Variants in QTGAL observed in about 807,000 individuals in gnomAD.
QTGAL encodes queuosine-tRNA galactosyltransferase, also known as BGnT-like protein 1.
chr17:83,048,737 A>G, the QTGAL span: 2 of 1,614,164 alleles, frequency 1.2e-6, no homozygotes, highest in South Asian at 2.2e-5. Context: ...ACAGACCTCA[A>G]ACATTCGTCC....
At chr17:82,970,318 G>A in the QTGAL span, among the ~76,000 whole-genome samples, 2 of 152,232 alleles carry the variant, frequency 1.3e-5, no homozygotes, top group African/African-American at 2.4e-5. Flanking sequence ...ACATCTGCCC[G>A]GACAAATACA....
the QTGAL span, among the ~76,000 whole-genome samples, chr17:82,966,054 C>T: frequency 3.3e-5 from 5 of 151,306 alleles, no homozygotes; most frequent in East Asian, 1.9e-4. Flanking sequence ...GGACCACAGG[C>T]GTGTGCCACC....
At chr17:82,961,313 T>C in the QTGAL span, 1 of 1,279,198 alleles carries the variant, frequency 7.8e-7, no homozygotes, top group East Asian at 2.8e-5. Flanking sequence ...AAGAAACCGG[T>C]CTAGAGGCTC....
At chr17:82,993,538 C>T in the QTGAL span, among the ~76,000 whole-genome samples, 1 of 151,916 alleles carries the variant, frequency 6.6e-6, no homozygotes, top group Non-Finnish European at 1.5e-5. Context: ...ACTTCAACAC[C>T]CTCTTCAACA....
chr17:82,972,438 G>T, the QTGAL span, among the ~76,000 whole-genome samples: 1 of 123,672 alleles, frequency 8.1e-6, no homozygotes, highest in Non-Finnish European at 1.6e-5. Context: ...CACCACAGGG[G>T]CTAGAAGGAC....
At chr17:83,036,637 G>A in the QTGAL span, among the ~76,000 whole-genome samples, 1 of 152,158 alleles carries the variant, frequency 6.6e-6, no homozygotes, top group African/African-American at 2.4e-5. Context: ...AGGCCTAAAG[G>A]GTCCCTGTTA....
the QTGAL span, among the ~76,000 whole-genome samples, chr17:82,976,360 C>A: frequency 4.4e-5 from 3 of 67,784 alleles, no homozygotes; most frequent in African/African-American, 3.2e-4. Context: ...CGGACTCCAT[C>A]CTCCCAGGGA....
chr17:82,955,880 C>A, the QTGAL span, among the ~76,000 whole-genome samples: 5 of 152,006 alleles, frequency 3.3e-5, no homozygotes, highest in Non-Finnish European at 7.4e-5. Flanking sequence ...CCATCATCCT[C>A]AGCAAACTAA....
the QTGAL span, among the ~76,000 whole-genome samples, chr17:83,015,244 G>A: frequency 2.0e-5 from 3 of 150,376 alleles, no homozygotes; most frequent in African/African-American, 4.9e-5. This position sits in a 1 kb window ranked among gnomAD's most constrained non-coding sequence, Gnocchi z 4.4. Context: ...GACCGTCTGC[G>A]GTGAGGACCT....
chr17:82,964,481 A>G, the QTGAL span, among the ~76,000 whole-genome samples: 2 of 152,184 alleles, frequency 1.3e-5, no homozygotes, highest in African/African-American at 4.8e-5. Flanking sequence ...CATAGCTAGT[A>G]TTTAAAACGG....
the QTGAL span, among the ~76,000 whole-genome samples, chr17:82,963,371 C>G: frequency 3.3e-5 from 5 of 152,190 alleles, no homozygotes; most frequent in African/African-American, 1.2e-4. Flanking sequence ...GCAGTCACCA[C>G]GCGGGGACAG....
the QTGAL span, among the ~76,000 whole-genome samples, chr17:82,974,763 C>G: frequency 2.6e-5 from 4 of 152,192 alleles, no homozygotes; most frequent in Non-Finnish European, 5.9e-5. Flanking sequence ...CTGGGTCCCC[C>G]CCACAGCTTG....
chr17:82,975,264 C>T, the QTGAL span, among the ~76,000 whole-genome samples: 1 of 41,080 alleles, frequency 2.4e-5, no homozygotes, highest in African/African-American at 1.5e-4. Context: ...CTCCCAGGGG[C>T]CGGAGGCCAC....
At chr17:83,046,152 T>G in the QTGAL span, among the ~76,000 whole-genome samples, 2 of 151,170 alleles carry the variant, frequency 1.3e-5, no homozygotes, top group African/African-American at 4.9e-5. Flanking sequence ...TATTTTGAGA[T>G]GGAGTCTCAC....
At chr17:82,950,825 G>A in the QTGAL span, among the ~76,000 whole-genome samples, 1 of 152,146 alleles carries the variant, frequency 6.6e-6, no homozygotes, top group African/African-American at 2.4e-5. Flanking sequence ...CTGAGCACTG[G>A]GCCTAACGGT....
At chr17:82,968,305 C>T in the QTGAL span, among the ~76,000 whole-genome samples, 14 of 152,092 alleles carry the variant, frequency 9.2e-5, no homozygotes, top group African/African-American at 3.1e-4. Flanking sequence ...CTGTGGTGCC[C>T]GTACCACGAG....
chr17:82,950,341 C>A, the QTGAL span, among the ~76,000 whole-genome samples: 1 of 152,158 alleles, frequency 6.6e-6, no homozygotes, highest in Admixed American at 6.5e-5. Flanking sequence ...ATAACACATA[C>A]GATAACAGTT....
At chr17:83,040,606 G>A in the QTGAL span, among the ~76,000 whole-genome samples, 30,887 of 152,134 alleles carry the variant, frequency 0.2, 3,297 homozygotes, top group Non-Finnish European at 0.24. Flanking sequence ...TCAGACTGGT[G>A]TAAGATTTCT....
At chr17:82,991,588 A>G in the QTGAL span, among the ~76,000 whole-genome samples, 1 of 152,228 alleles carries the variant, frequency 6.6e-6, no homozygotes, top group Non-Finnish European at 1.5e-5. Context: ...CAAGAAGGAC[A>G]GGTACGAACA....
Sources: gnomAD v4.1 joint callset for allele counts (sites outside exome capture counted in the v4.1 genomes callset) on GRCh38, gnomAD v4.1.1 for gene constraint, Gnocchi (gnomAD v3.1) non-coding constraint, MANE v1.5 for transcripts, NCBI Gene and HGNC (gene_info 2026-07-23, HGNC 2026-07-21) for gene names.